LIN7A: variants seen among roughly 807,000 people sequenced by gnomAD.
LIN7A encodes lin-7 cell polarity scaffold A.
A neutral mutation model predicts 29.8 loss-of-function variants in LIN7A; 25 were observed. The ratio of observed to expected loss-of-function variants is 0.84; its 90% CI spans 0.61 to 1.17. The LOEUF (loss-of-function observed/expected upper bound fraction) is 1.17, where lower values mean the gene tolerates loss of function less well. LIN7A is among the 50% of genes most tolerant of loss of function. The probability of loss-of-function intolerance (pLI) is 0.00; values close to 1 mark genes in which losing one functional copy is unlikely to be tolerated. For synonymous variants in LIN7A, 118 were observed against 107.5 expected, an observed-to-expected ratio of 1.10 and a Z score of -0.60; for missense variants, 239 against 287.0, an observed-to-expected ratio of 0.83 and a Z score of 1.21.
At chr12:80,928,548 GT>G (rs975378291) in intron 1 of LIN7A, among the ~76,000 whole-genome samples, 2 of 151,994 alleles carry the variant, frequency 1.3e-5, no homozygotes, top group Non-Finnish European at 2.9e-5. Context: ...GGGGTTGTTT[GT>G]TTTTTTCTTG....
chr12:80,898,824 G>A (rs146669827), intron 1 of LIN7A, among the ~76,000 whole-genome samples: 166 of 152,184 alleles, frequency 1.1e-3, no homozygotes, highest in African/African-American at 3.7e-3. Context: ...TGATTTTTGC[G>A]CATTGTTTTT....
chr12:80,852,466 G>T (rs548299924), intron 2 of LIN7A, among the ~76,000 whole-genome samples: 3 of 152,118 alleles, frequency 2.0e-5, no homozygotes, highest in East Asian at 3.9e-4. Context: ...TACCTTAGTT[G>T]TCTATTATGT....
intron 1 of LIN7A, 45 bp from the exon 2 acceptor site, chr12:80,889,414 A>T: frequency 8.4e-7 from 1 of 1,188,670 alleles, no homozygotes; most frequent in Admixed American, 1.7e-5. Context: ...AATAAATTGT[A>T]TCTCATCAGC....
intron 4 of LIN7A, among the ~76,000 whole-genome samples, chr12:80,818,213 C>A (rs2121515685): frequency 6.6e-6 from 1 of 152,264 alleles, no homozygotes; most frequent in African/African-American, 2.4e-5. Flanking sequence ...GGCTGGAGTG[C>A]AGTGGCCGGA....
At chr12:80,899,309 C>A (rs1006064013) in intron 1 of LIN7A, among the ~76,000 whole-genome samples, 1 of 152,116 alleles carries the variant, frequency 6.6e-6, no homozygotes, top group African/African-American at 2.4e-5. Flanking sequence ...TTTGAACCAA[C>A]CTTGCATCCC....
intron 1 of LIN7A, among the ~76,000 whole-genome samples, chr12:80,933,768 T>G (rs1464790747): frequency 2.0e-5 from 3 of 152,120 alleles, no homozygotes; most frequent in African/African-American, 7.2e-5. Flanking sequence ...TACAGGACTC[T>G]TCTCAAATGT....
rs1198031885 is a variant in LIN7A at position 80,937,770 on chromosome 12, G to T, written c.-48C>A. ...AAAAAGGAGGAGATTGGGGGCGGGG[G>T]TGGAGAGGGAAGACGGAAAGGAGGG... On this transcript the variant is annotated 5_prime_UTR_variant, in exon 1 of 6. Coordinates refer to ENST00000552864, the MANE Select transcript of LIN7A (RefSeq NM_004664.4). The T allele has an allele frequency of 1.0e-6, 1 of 1,004,520 alleles. No homozygotes were observed. Among genetic ancestry groups the T allele is most frequent in the Non-Finnish European group, 1.4e-6 (1 of 713,992 alleles). The allele number at this position is 1,004,520 out of a possible 1,614,324, so 62.2% of individuals were successfully genotyped here. A position where few individuals can be genotyped will look rare whatever the true frequency, so the allele number is the denominator to read the frequency against.
At chr12:80,828,689 C>T (rs945913196) in intron 4 of LIN7A, among the ~76,000 whole-genome samples, 3 of 152,108 alleles carry the variant, frequency 2.0e-5, no homozygotes, top group African/African-American at 7.2e-5. Context: ...TTTCCATGGC[C>T]ACACCGTTAA....
chr12:80,863,182 G>T (rs888514918), intron 2 of LIN7A, among the ~76,000 whole-genome samples: 2 of 152,168 alleles, frequency 1.3e-5, no homozygotes, highest in Admixed American at 1.3e-4. Context: ...AAGATATTAA[G>T]GATGCTGACT....
intron 4 of LIN7A, among the ~76,000 whole-genome samples, chr12:80,833,526 T>C (rs1872472232): frequency 6.6e-6 from 1 of 152,194 alleles, no homozygotes; most frequent in Admixed American, 6.5e-5. Context: ...GCCCACATGT[T>C]GGCAATTGCC....
In LIN7A at chr12:80,797,183, T is replaced by C. The variant is rs1870488102; in HGVS notation, c.*544A>G. The C allele has an allele frequency of 6.6e-6, 1 of 152,168 alleles. No individual in the cohort carries two copies. 9.4% of individuals were successfully genotyped at this position (152,168 alleles called of 1,614,324 possible). A position where few individuals can be genotyped will look rare whatever the true frequency, so the allele number is the denominator to read the frequency against. ...GAACCTGAAGAAAATATAAATATAG[T>C]ATGATACCTTGCGATTTTCAAGAGG... is the stretch of plus-strand genomic sequence containing the variant. On this transcript the variant is annotated 3_prime_UTR_variant, in exon 6 of 6. Coordinates refer to ENST00000552864, the MANE Select transcript of LIN7A (RefSeq NM_004664.4).
At chr12:80,833,344 C>G (rs892369074) in intron 4 of LIN7A, among the ~76,000 whole-genome samples, 2 of 152,148 alleles carry the variant, frequency 1.3e-5, no homozygotes, top group Non-Finnish European at 2.9e-5. Context: ...AGTCAATCAC[C>G]AGTTCTTGTT....
intron 4 of LIN7A, among the ~76,000 whole-genome samples, chr12:80,824,604 A>G (rs895065843): frequency 6.6e-6 from 1 of 152,246 alleles, no homozygotes; most frequent in African/African-American, 2.4e-5. Flanking sequence ...ACATAGATGC[A>G]GAAATCCTTA....
intron 2 of LIN7A, among the ~76,000 whole-genome samples, chr12:80,879,792 A>C (rs945375635): frequency 2.0e-5 from 3 of 152,180 alleles, no homozygotes; most frequent in African/African-American, 7.2e-5. Flanking sequence ...TGCAGCTCAC[A>C]CAGCTTTCAG....
chr12:80,805,325 T>A lies in LIN7A; in HGVS notation c.*6140A>T, dbSNP rs77423844. On this transcript the variant is annotated intron_variant, in intron 5 of 5. Coordinates refer to ENST00000552864, the MANE Select transcript of LIN7A (RefSeq NM_004664.4). The stretch of plus-strand genomic sequence containing the variant: ...TTTCGTAATAATTCCCTGGATTAGA[T>A]CATCAGGATCATGCATGTGGTAATG... 3.9e-5 allele frequency among the ~76,000 whole-genome samples: 6 copies of A among 152,232 alleles called. No individual in the cohort carries two copies. In the East Asian group the frequency reaches 1.2e-3, roughly 29 times the overall value.
chr12:80,931,764 C>T (rs1404976289), intron 1 of LIN7A, among the ~76,000 whole-genome samples: 1 of 152,004 alleles, frequency 6.6e-6, no homozygotes, highest in East Asian at 1.9e-4. Flanking sequence ...TTTGCTGGAG[C>T]CCAGAGAAAA....
chr12:80,800,612 C>T lies in LIN7A; in HGVS notation c.*1-2886G>A, dbSNP rs1226152359. On this transcript the variant is annotated intron_variant, in intron 5 of 5. Transcript: ENST00000552864. The stretch of plus-strand genomic sequence containing the variant: ...AATCGAATCAATACTTAGTAGCCTT[C>T]CAAAGCAGGAAGCACCCGACCCTGA... 2.0e-5 allele frequency among the ~76,000 whole-genome samples: 3 copies of T among 151,478 alleles called. No homozygotes were observed. The East Asian group carries it at 5.8e-4, about 29-fold the overall frequency.
At chr12:80,868,991 C>T (rs147144846) in intron 2 of LIN7A, among the ~76,000 whole-genome samples, 223 of 152,006 alleles carry the variant, frequency 1.5e-3, no homozygotes, top group African/African-American at 5.0e-3. Flanking sequence ...AAGATGGATA[C>T]GAAGGCAATA....
rs1282039129 is a variant in LIN7A, at chr12:80,841,386, AGGAAGGAAGGAAGGAAGGAAGGAG to A, written c.483+4320_483+4343del. Among the ~76,000 whole-genome samples the A allele has an allele frequency of 2.0e-5, 3 of 149,932 alleles. No homozygotes were observed. In the East Asian group the frequency reaches 5.9e-4, roughly 29 times the overall value. ...AAGGAAGGAAGGAAGGAAGGAAGGA[AGGAAGGAAGGAAGGAAGGAAGGAG>A]GGAAAGAAAGTACGAACAGCACCCT... On this transcript the variant is annotated intron_variant, in intron 4 of 5. Transcript: ENST00000552864.
Sources: gnomAD v4.1 joint callset for allele counts (sites outside exome capture counted in the v4.1 genomes callset) on GRCh38, gnomAD v4.1.1 for gene constraint, MANE v1.5 for transcripts, NCBI Gene and HGNC (gene_info 2026-07-23, HGNC 2026-07-21) for gene names.